Variants in ST3GAL5 observed in about 807,000 individuals in gnomAD.
ST3GAL5 encodes the protein ST3 beta-galactoside alpha-2,3-sialyltransferase 5.
Under a neutral mutation model 46.1 loss-of-function variants are expected in ST3GAL5, and 25 were observed. The observed-to-expected ratio is 0.54, with a 90% CI of 0.40 to 0.76. ST3GAL5 has a LOEUF of 0.76. ST3GAL5 is among the 30% of genes least tolerant of loss of function. The pLI is 0.00. For missense variants in ST3GAL5, 431 were observed against 521.2 expected, an observed-to-expected ratio of 0.83 and a Z score of 1.69; for synonymous variants, 182 against 192.7, an observed-to-expected ratio of 0.94 and a Z score of 0.46.
At chr2:85,855,959 G>T (rs1246592480) in intron 3 of ST3GAL5, 1 of 152,230 alleles carries the variant, frequency 6.6e-6, no homozygotes, top group Non-Finnish European at 1.5e-5. Context: ...TGTTGATAAA[G>T]ATGCGGAGAA....
intron 3 of ST3GAL5, among the ~76,000 whole-genome samples, chr2:85,859,303 C>T (rs185971213): frequency 4.6e-4 from 70 of 152,276 alleles, no homozygotes; most frequent in African/African-American, 1.6e-3. Flanking sequence ...GAAGAGTTCC[C>T]AGTCCATCAG....
chr2:85,856,998 T>C (rs913533078), intron 3 of ST3GAL5, among the ~76,000 whole-genome samples: 1 of 136,688 alleles, frequency 7.3e-6, no homozygotes, highest in Admixed American at 8.5e-5. Context: ...GGCAGGAGGA[T>C]CACTTGAGTC....
At chr2:85,871,871 G>A (rs1021596897) in intron 1 of ST3GAL5, among the ~76,000 whole-genome samples, 4 of 152,212 alleles carry the variant, frequency 2.6e-5, no homozygotes, top group Non-Finnish European at 5.9e-5. Flanking sequence ...ATCTGAAGTT[G>A]GGAAAGCAGA....
At chr2:85,863,535 A>G (rs778282334) in intron 1 of ST3GAL5, 50 bp from the exon 2 acceptor site, 1 of 1,603,096 alleles carries the variant, frequency 6.2e-7, no homozygotes, top group Non-Finnish European at 8.5e-7. Context: ...GGAGAGAGTT[A>G]GGAGGATGGA....
chr2:85,883,183 T>C (rs1459731294), intron 1 of ST3GAL5, among the ~76,000 whole-genome samples: 3 of 152,142 alleles, frequency 2.0e-5, no homozygotes, highest in African/African-American at 7.2e-5. Flanking sequence ...CAACTTGAAT[T>C]GTGTCTCCCA....
rs1000374 is a variant in ST3GAL5 at position 85,839,050 on chromosome 2, G to A, written c.*1094C>T. The stretch of plus-strand genomic sequence containing the variant: ...CCTTAATTCTCTGTCCCTCACTACT[G>A]GCATCCACAGAGAGGTCTCCGCCTA... On this transcript the variant is annotated 3_prime_UTR_variant, in exon 7 of 7. Transcript: ENST00000638572. 6,756 of 152,308 alleles carry A rather than the reference G, an allele frequency of 0.044. 214 individuals are homozygous for A. The highest frequency in any genetic ancestry group is 0.11 in the East Asian group (589 of 5,172). 9.4% of individuals were successfully genotyped at this position (152,308 alleles called of 1,614,324 possible).
intron 1 of ST3GAL5, chr2:85,888,129 G>C (rs1398685579): frequency 1.3e-5 from 2 of 152,118 alleles, no homozygotes; most frequent in African/African-American, 4.8e-5. Flanking sequence ...ATGAGCCCGA[G>C]CCCCACAGGG....
intron 3 of ST3GAL5, among the ~76,000 whole-genome samples, chr2:85,851,894 G>A (rs1243545811): frequency 6.6e-6 from 1 of 152,192 alleles, no homozygotes; most frequent in Non-Finnish European, 1.5e-5. Context: ...AAAAATAAAG[G>A]TTTCAGTTTT....
chr2:85,853,011 C>T (rs926536371), intron 3 of ST3GAL5: 48 of 1,303,312 alleles, frequency 3.7e-5, no homozygotes, highest in East Asian at 5.6e-5. Context: ...CTGCAGAGTC[C>T]GAGAGAAGAC....
chr2:85,865,532 G>T lies in ST3GAL5; in HGVS notation c.83-2047C>A, dbSNP rs146165296. 3.8e-3 allele frequency among the ~76,000 whole-genome samples: 582 copies of T among 152,324 alleles called. 10 individuals are homozygous for T. The highest frequency in any genetic ancestry group is 1.3e-3 in the Non-Finnish European group (89 of 68,036). On this transcript the variant is annotated intron_variant, in intron 1 of 6. Coordinates refer to ENST00000638572, the MANE Select transcript of ST3GAL5 (RefSeq NM_003896.4). The stretch of plus-strand genomic sequence containing the variant: ...AATCTGCTGAATTATTAAATGAGAA[G>T]TTAGAACAACTGAGATCCTGGAAGG...
intron 6 of ST3GAL5, among the ~76,000 whole-genome samples, chr2:85,843,779 A>T (rs981482564): frequency 1.3e-5 from 2 of 152,242 alleles, no homozygotes; most frequent in Non-Finnish European, 2.9e-5. Flanking sequence ...AAGAATCTCT[A>T]CTGCAATAAA....
intron 1 of ST3GAL5, among the ~76,000 whole-genome samples, chr2:85,879,436 T>C (rs2104216991): frequency 6.6e-6 from 1 of 152,208 alleles, no homozygotes; most frequent in East Asian, 1.9e-4. Flanking sequence ...GGGGTGTCCC[T>C]CAAAGAGAAA....
chr2:85,842,740 T>C (rs1479912456), intron 6 of ST3GAL5, among the ~76,000 whole-genome samples: 1 of 152,018 alleles, frequency 6.6e-6, no homozygotes, highest in East Asian at 1.9e-4. Context: ...ACACATACTT[T>C]TATTGTTAAA....
In ST3GAL5 at chr2:85,848,173, T is replaced by C; in HGVS notation, c.350A>G (p.Gln117Arg). 6.2e-7 allele frequency: 1 copy of C among 1,614,246 alleles called. No individual in the cohort carries two copies. The highest frequency in any genetic ancestry group is 8.5e-7 in the Non-Finnish European group (1 of 1,180,040). The part of the protein sequence containing the change: ...RAQKYAQQVL[Q>R]KECRPKFAKT... ...GGCAAACTTGGGACGACATTCCTTC[T>C]GCAAGACTTGCTGAGCATATTTCTG... Residue 117 changes from glutamine to arginine, a missense_variant, in exon 4 of 7, where the codon CAG becomes CGG. Gln to Arg is a conservative substitution (Grantham distance 43). Coordinates refer to ENST00000638572, the MANE Select transcript of ST3GAL5 (RefSeq NM_003896.4).
At chr2:85,859,599 C>G (rs1038480158) in intron 3 of ST3GAL5, among the ~76,000 whole-genome samples, 2 of 152,200 alleles carry the variant, frequency 1.3e-5, no homozygotes, top group Admixed American at 1.3e-4. Context: ...CTGCGACCAG[C>G]AAGACCCTGA....
At chr2:85,888,545 A>G (rs930901205) in intron 1 of ST3GAL5, 1 of 245,878 alleles carries the variant, frequency 4.1e-6, no homozygotes, top group Non-Finnish European at 7.7e-6. Flanking sequence ...AGCGGCGGGG[A>G]AAGGGCCACT....
intron 1 of ST3GAL5, chr2:85,866,322 C>T (rs1337220503): frequency 2.6e-5 from 4 of 152,258 alleles, no homozygotes; most frequent in Admixed American, 2.6e-4. Context: ...CCCAGTCAAT[C>T]CCCAGGGCCT....
At chr2:85,857,200 G>A (rs981306308) in intron 3 of ST3GAL5, among the ~76,000 whole-genome samples, 1 of 151,356 alleles carries the variant, frequency 6.6e-6, no homozygotes, top group Non-Finnish European at 1.5e-5. Flanking sequence ...AGCAATGATC[G>A]GGCCACTGCA....
In ST3GAL5 at chr2:85,888,932, C is replaced by G; in HGVS notation, c.-27G>C. 7.5e-7 allele frequency: 1 copy of G among 1,331,578 alleles called. No homozygotes were observed. The highest frequency in any genetic ancestry group is 9.7e-7 in the Non-Finnish European group (1 of 1,036,142). The allele number at this position is 1,331,578 out of a possible 1,614,324, so 82.5% of individuals were successfully genotyped here. A position where few individuals can be genotyped will look rare whatever the true frequency, so the allele number is the denominator to read the frequency against. On this transcript the variant is annotated 5_prime_UTR_variant, in exon 1 of 7. Transcript: ENST00000638572. ...CTAATGAGGGGGCGCCGGCCGGCCG[C>G]CAGCCCGGTACCCCGCGCCCCCACC...
Sources: allele counts gnomAD v4.1 joint callset (sites outside exome capture counted in the v4.1 genomes callset), GRCh38; gene constraint gnomAD v4.1.1; transcripts MANE v1.5; gene names NCBI Gene and HGNC (gene_info 2026-07-23, HGNC 2026-07-21).